OPCML: variants seen among roughly 807,000 people sequenced by gnomAD.
OPCML encodes the protein opioid binding protein/cell adhesion molecule like.
In OPCML, 13 loss-of-function variants were observed where a neutral mutation model predicts 37.8. The ratio of observed to expected loss-of-function variants is 0.34; its 90% CI spans 0.22 to 0.55. OPCML has a LOEUF of 0.55. Ranked by LOEUF, OPCML falls within the 20% of genes least tolerant of loss-of-function variation. The pLI, the probability that OPCML is intolerant of heterozygous loss-of-function variation, is 0.91. For synonymous variants in OPCML, 176 were observed against 168.8 expected, an observed-to-expected ratio of 1.04 and a Z score of -0.33; for missense variants, 341 against 435.6, an observed-to-expected ratio of 0.78 and a Z score of 1.93.
At chr11:133,124,036 A>G (rs1949460633) in intron 1 of OPCML, among the ~76,000 whole-genome samples, 1 of 152,030 alleles carries the variant, frequency 6.6e-6, no homozygotes, top group South Asian at 2.1e-4. Context: ...CCACACCTTA[A>G]AGGCACAGAA....
At chr11:133,007,401 C>A (rs1472321118) in intron 1 of OPCML, 10 of 985,298 alleles carry the variant, frequency 1.0e-5, no homozygotes, top group Non-Finnish European at 1.1e-5. Context: ...CTTATCGCCC[C>A]ATTAAAGAGT....
chr11:133,195,855 G>A (rs1223261982), intron 1 of OPCML, among the ~76,000 whole-genome samples: 2 of 152,180 alleles, frequency 1.3e-5, no homozygotes, highest in Non-Finnish European at 2.9e-5. Flanking sequence ...TCTGTCACAT[G>A]AATGATATAT....
chr11:133,429,774 G>A (rs189912392), intron 1 of OPCML, among the ~76,000 whole-genome samples: 81 of 152,236 alleles, frequency 5.3e-4, no homozygotes, highest in African/African-American at 1.8e-3. Context: ...CACAAAAAGC[G>A]GCCTTGGAAA....
Position 133,177,344 on chromosome 11 carries a change from G to A in OPCML, c.62-234334C>T, listed in dbSNP as rs971638586. Among the ~76,000 whole-genome samples, 2 of 152,172 alleles carry A rather than the reference G, an allele frequency of 1.3e-5. No homozygotes were observed. The highest frequency in any genetic ancestry group is 2.4e-5 in the African/African-American group (1 of 41,440). On this transcript the variant is annotated intron_variant, in intron 1 of 7. Transcript: ENST00000524381. This position sits in a 1 kb window ranked among gnomAD's most constrained non-coding sequence, Gnocchi z 5.0. ...ATTCTATCATTTGAAGGAAGGAAGT[G>A]GAGAGGGCTATAAATTCTGGCAGAA...
At chr11:133,203,000 C>T (rs1029083232) in intron 1 of OPCML, among the ~76,000 whole-genome samples, 1 of 152,152 alleles carries the variant, frequency 6.6e-6, no homozygotes, top group Non-Finnish European at 1.5e-5. Flanking sequence ...AATGAGCTGG[C>T]GTTTTACCAC....
At chr11:133,466,340 T>C (rs759024252) in intron 1 of OPCML, among the ~76,000 whole-genome samples, 1 of 152,212 alleles carries the variant, frequency 6.6e-6, no homozygotes, top group Non-Finnish European at 1.5e-5. Flanking sequence ...GATCAGTGGC[T>C]AAGTAATGGG....
At chr11:132,511,586 G>A (rs1402470216) in intron 4 of OPCML, among the ~76,000 whole-genome samples, 1 of 151,958 alleles carries the variant, frequency 6.6e-6, no homozygotes, top group Non-Finnish European at 1.5e-5. Flanking sequence ...GAAAATAAGA[G>A]AGATTCCCAG....
At chr11:132,507,271 T>G (rs1016211742) in intron 4 of OPCML, among the ~76,000 whole-genome samples, 1 of 152,072 alleles carries the variant, frequency 6.6e-6, no homozygotes, top group Non-Finnish European at 1.5e-5. Flanking sequence ...ATTTTTGCTT[T>G]CATAAAGTTT....
intron 2 of OPCML, among the ~76,000 whole-genome samples, chr11:132,893,622 C>G (rs943428075): frequency 1.3e-5 from 2 of 152,244 alleles, no homozygotes; most frequent in Non-Finnish European, 2.9e-5. Flanking sequence ...ATATCAAACT[C>G]TCTCTTTGCC....
At chr11:133,418,354 TA>T (rs1485838727) in intron 1 of OPCML, 6 of 985,106 alleles carry the variant, frequency 6.1e-6, no homozygotes, top group African/African-American at 3.5e-5. Flanking sequence ...TCAATAGGGG[TA>T]AAAAAATTCA....
intron 1 of OPCML, among the ~76,000 whole-genome samples, chr11:133,247,477 T>G (rs1208659343): frequency 6.6e-6 from 1 of 152,324 alleles, no homozygotes; most frequent in African/African-American, 2.4e-5. Flanking sequence ...TATACAGTTT[T>G]TATTGCAAAT....
In OPCML at chr11:133,312,306, A is replaced by G. The variant is rs144671412; in HGVS notation, c.61+219958T>C. On this transcript the variant is annotated intron_variant, in intron 1 of 7. Coordinates refer to ENST00000524381, the MANE Select transcript of OPCML (RefSeq NM_001012393.5). ...CCCAAAAGAAAGAATATCCACCATC[A>G]CTACTATCACAAAGGACATCATCAA... Among the ~76,000 whole-genome samples the G allele has an allele frequency of 4.4e-3, 667 of 152,288 alleles. 8 individuals carry two copies. The highest frequency in any genetic ancestry group is 0.015 in the African/African-American group (629 of 41,544).
chr11:132,890,968 A>T lies in OPCML; in HGVS notation c.146+51958T>A, dbSNP rs79057048. On this transcript the variant is annotated intron_variant, in intron 2 of 7. Transcript: ENST00000524381. The stretch of plus-strand genomic sequence containing the variant: ...TCAGCAAAGCACTAACACTCTTTAC[A>T]TCTCCCCTCTCTATTATGAAGTATG... 2.0e-3 allele frequency among the ~76,000 whole-genome samples: 308 copies of T among 152,168 alleles called. 1 individual carries two copies. The highest frequency in any genetic ancestry group is 7.3e-3 in the African/African-American group (302 of 41,530).
intron 3 of OPCML, among the ~76,000 whole-genome samples, chr11:132,597,111 AT>A (rs561577281): frequency 6.6e-6 from 1 of 152,340 alleles, no homozygotes; most frequent in East Asian, 1.9e-4. Flanking sequence ...GTGTGATAAC[AT>A]TTAAAAATCA....
intron 1 of OPCML, among the ~76,000 whole-genome samples, chr11:133,469,444 C>A (rs540510317): frequency 1.6e-4 from 24 of 152,336 alleles, no homozygotes; most frequent in African/African-American, 5.0e-4. Flanking sequence ...TAAGTGCATT[C>A]TGTGAAGTTC....
intron 2 of OPCML, among the ~76,000 whole-genome samples, chr11:132,911,959 A>G (rs6590662): frequency 0.25 from 37,303 of 152,048 alleles, 7,954 homozygotes; most frequent in African/African-American, 0.57. Flanking sequence ...GTTCCTCTTC[A>G]GGACACAGGA....
intron 2 of OPCML, among the ~76,000 whole-genome samples, chr11:132,858,589 C>CGG (rs141283579): frequency 4.6e-5 from 7 of 152,110 alleles, no homozygotes; most frequent in Non-Finnish European, 1.0e-4. Context: ...CCTTTCTTCC[C>CGG]GGGGGGTGAG....
At position 132,943,199 on chromosome 11, in the gene OPCML, G is replaced by C; in HGVS notation, c.62-189C>G. 1 of 1,538,980 alleles carries C rather than the reference G, an allele frequency of 6.5e-7. No individual in the cohort carries two copies. The highest frequency in any genetic ancestry group is 1.2e-5 in the South Asian group (1 of 83,034). ...CGGTGCGGGGAGGAGGGAAGGGGCA[G>C]AGTTCGCCAGGAGCAGGGGGAAGGA... On this transcript the variant is annotated intron_variant, in intron 1 of 7. Coordinates refer to ENST00000524381, the MANE Select transcript of OPCML (RefSeq NM_001012393.5). This position sits in a 1 kb window ranked among gnomAD's most constrained non-coding sequence, Gnocchi z 4.3.
intron 1 of OPCML, among the ~76,000 whole-genome samples, chr11:133,159,646 G>A (rs1950115195): frequency 6.6e-6 from 1 of 152,234 alleles, no homozygotes. Context: ...CGTAGAGAAG[G>A]AAAGTGAAGA....
Sources: gnomAD v4.1 joint callset for allele counts (sites outside exome capture counted in the v4.1 genomes callset) on GRCh38, gnomAD v4.1.1 for gene constraint, Gnocchi (gnomAD v3.1) non-coding constraint, MANE v1.5 for transcripts, NCBI Gene and HGNC (gene_info 2026-07-23, HGNC 2026-07-21) for gene names.